SPIRE2: variants seen among roughly 807,000 people sequenced by gnomAD.
SPIRE2 encodes the protein protein spire homolog 2.
Under a neutral mutation model 80.7 loss-of-function variants are expected in SPIRE2, and 76 were observed. That is an observed-to-expected ratio of 0.94 (90% CI 0.78 to 1.14). SPIRE2 has a LOEUF of 1.14. SPIRE2 is among the 50% of genes most tolerant of loss of function. SPIRE2 has a pLI of 0.00. For missense variants in SPIRE2, 1,196 were observed against 1,015.3 expected (o/e 1.18, Z -2.42); for synonymous variants, 535 against 432.6 (o/e 1.24, Z -2.94).
intron 1 of SPIRE2, among the ~76,000 whole-genome samples, chr16:89,840,450 C>G (rs186671026): frequency 6.6e-6 from 1 of 150,456 alleles, no homozygotes; most frequent in Non-Finnish European, 1.5e-5. Flanking sequence ...GGGGTTTCAC[C>G]GTGTTAGCCA....
At chr16:89,862,349 A>C (rs2143824469) in intron 10 of SPIRE2, 1 of 151,712 alleles carries the variant, frequency 6.6e-6, no homozygotes, top group Non-Finnish European at 1.5e-5. Flanking sequence ...CACCCGGCCA[A>C]GGCCCACTTC....
chr16:89,845,644 C>CA, intron 2 of SPIRE2: 1 of 700,066 alleles, frequency 1.4e-6, no homozygotes, highest in South Asian at 1.5e-5. Flanking sequence ...ATGAGGGGCA[C>CA]AGCTGACGTC....
intron 10 of SPIRE2, 24 bp downstream of exon 10, chr16:89,860,819 C>A (rs1446373581): frequency 5.0e-6 from 7 of 1,395,618 alleles, no homozygotes; most frequent in Middle Eastern, 1.9e-4. Flanking sequence ...CGATTGTCGT[C>A]CAGGGCGGCC....
chr16:89,861,012 C>T (rs928267502), intron 10 of SPIRE2, among the ~76,000 whole-genome samples: 2 of 152,116 alleles, frequency 1.3e-5, no homozygotes, highest in African/African-American at 4.8e-5. Flanking sequence ...GGGGCCGAAC[C>T]GCACTGCACT....
At chr16:89,848,472 G>C (rs967895899) in intron 2 of SPIRE2, among the ~76,000 whole-genome samples, 1 of 152,022 alleles carries the variant, frequency 6.6e-6, no homozygotes, top group Non-Finnish European at 1.5e-5. Flanking sequence ...GCAGGTTCCA[G>C]GGCCTTCTGC....
intron 1 of SPIRE2, among the ~76,000 whole-genome samples, chr16:89,836,861 G>A (rs1390400185): frequency 6.6e-6 from 1 of 151,932 alleles, no homozygotes; most frequent in African/African-American, 2.4e-5. Flanking sequence ...TGGGCGTCGT[G>A]GTACATGCCT....
chr16:89,859,263 G>T lies in SPIRE2; in HGVS notation c.1371G>T (p.Leu457=). 1 of 1,607,734 alleles carries T rather than the reference G, an allele frequency of 6.2e-7. No individual in the cohort carries two copies. The highest frequency in any genetic ancestry group is 8.5e-7 in the Non-Finnish European group (1 of 1,178,750). Residue 457 remains leucine (L), a synonymous_variant, in exon 9 of 15, where the codon CTG becomes CTT. Transcript: ENST00000378247. Reference sequence around the variant, plus strand: ...TCCGAAGTGAGGTGGCCTCTGGCCTGCAGTCGGCCACCCACCCCCCAGGAG... The same window carrying T: ...TCCGAAGTGAGGTGGCCTCTGGCCTTCAGTCGGCCACCCACCCCCCAGGAG... The part of the protein sequence containing the change: ...AQLRSEVASG[L]QSATHPPGGT...
In SPIRE2 at chr16:89,847,023, C is replaced by T. The variant is rs145696518; in HGVS notation, c.288+1658C>T. 6 of 151,090 alleles carry T rather than the reference C, an allele frequency of 4.0e-5. No individual in the cohort carries two copies. The East Asian group carries it at 5.8e-4, about 15-fold the overall frequency. 9.4% of individuals were successfully genotyped at this position (151,090 alleles called of 1,614,324 possible). ...CAAGAAGAAAACAACATAGATTTAC[C>T]GCAAGACCTATTGATATATTATTAA... On this transcript the variant is annotated intron_variant, in intron 2 of 14. Coordinates refer to ENST00000378247, the MANE Select transcript of SPIRE2 (RefSeq NM_032451.2).
intron 2 of SPIRE2, among the ~76,000 whole-genome samples, chr16:89,849,568 C>T (rs921196928): frequency 6.6e-5 from 10 of 152,200 alleles, no homozygotes; most frequent in South Asian, 4.1e-4. Context: ...AATTGTCCAT[C>T]GACCTCCTGT....
At chr16:89,836,639 G>A (rs1449979060) in intron 1 of SPIRE2, among the ~76,000 whole-genome samples, 3 of 152,138 alleles carry the variant, frequency 2.0e-5, no homozygotes, top group East Asian at 1.9e-4. Context: ...CACCCAGAAC[G>A]ACCTTGACCT....
At chr16:89,848,037 C>T (rs962572273) in intron 2 of SPIRE2, among the ~76,000 whole-genome samples, 1 of 152,206 alleles carries the variant, frequency 6.6e-6, no homozygotes, top group Admixed American at 6.5e-5. Context: ...AGGGACAGCA[C>T]GAGCTGAGGC....
At chr16:89,831,357 T>G (rs1285951078) in intron 1 of SPIRE2, among the ~76,000 whole-genome samples, 1 of 150,610 alleles carries the variant, frequency 6.6e-6, no homozygotes, top group East Asian at 1.9e-4. Context: ...TTTGAATGTT[T>G]TTTCTTGTCA....
At position 89,856,943 on chromosome 16, in the gene SPIRE2, G is replaced by A. The variant is rs529512477; in HGVS notation, c.1102+707G>A. The stretch of plus-strand genomic sequence containing the variant: ...TAGCCAGGTGTGGTGGCACATGGCT[G>A]TAATCCCAGGTGCTCCAGGGGCTGA... On this transcript the variant is annotated intron_variant, in intron 7 of 14. Coordinates refer to ENST00000378247, the MANE Select transcript of SPIRE2 (RefSeq NM_032451.2). Among the ~76,000 whole-genome samples, 527 of 151,710 alleles carry A rather than the reference G, an allele frequency of 3.5e-3. 2 individuals carry two copies. Among genetic ancestry groups the A allele is most frequent in the Non-Finnish European group, 5.1e-3 (349 of 67,940 alleles).
chr16:89,856,250 T>A lies in SPIRE2; in HGVS notation c.1102+14T>A. 1 of 1,559,294 alleles carries A rather than the reference T, an allele frequency of 6.4e-7. No homozygotes were observed. The highest frequency in any genetic ancestry group is 8.7e-7 in the Non-Finnish European group (1 of 1,152,336). On this transcript the variant is annotated intron_variant, in intron 7 of 14. Coordinates refer to ENST00000378247, the MANE Select transcript of SPIRE2 (RefSeq NM_032451.2). ...GGGCTGCCCGCGGTGAGTGAGGGGA[T>A]GGCAGGAGAAGAGAGCCCTGAGCCC...
At chr16:89,837,774 C>CG (rs997212998) in intron 1 of SPIRE2, among the ~76,000 whole-genome samples, 6 of 152,130 alleles carry the variant, frequency 3.9e-5, no homozygotes, top group Non-Finnish European at 5.9e-5. Flanking sequence ...ACGCCCCGTG[C>CG]GGGGGGCGTG....
In SPIRE2 at chr16:89,855,810, C is replaced by T. The variant is rs182223255; in HGVS notation, c.978+124C>T. 951 of 1,024,542 alleles carry T rather than the reference C, an allele frequency of 9.3e-4. 14 individuals are homozygous for T. The Admixed American group carries it at 0.019, about 21-fold the overall frequency. 63.5% of individuals were successfully genotyped at this position (1,024,542 alleles called of 1,614,324 possible). On this transcript the variant is annotated intron_variant, in intron 6 of 14. Transcript: ENST00000378247. ...CCTGGGAGGTGTCCCAGTGCGTCTG[C>T]GTCACGGGTGAGGCGGGCTGGCTTC... is the stretch of plus-strand genomic sequence containing the variant.
At position 89,850,419 on chromosome 16, in the gene SPIRE2, A is replaced by G; in HGVS notation, c.404A>G (p.Asn135Ser). The G allele has an allele frequency of 6.3e-7, 1 of 1,591,418 alleles. No homozygotes were observed. Among genetic ancestry groups the G allele is most frequent in the South Asian group, 1.1e-5 (1 of 88,062 alleles). The change falls in exon 3 of 15, where the codon AAC becomes AGC. Residue 135 changes from asparagine (N) to serine (S), a missense_variant. Asn to Ser is a conservative substitution (Grantham distance 46). Transcript: ENST00000378247. ...CGGCTCATCGACCTCATGGCCAACA[A>G]CGACAGCGAGGACAGCGGCTGCGGT... is the stretch of plus-strand genomic sequence containing the variant. ...LERLIDLMAN[N>S]DSEDSGCGAA...
rs768508839 is a variant in SPIRE2 at position 89,828,737 on chromosome 16, G to A, written c.187G>A (p.Gly63Arg). The A allele has an allele frequency of 1.6e-6, 2 of 1,233,634 alleles. No individual in the cohort carries two copies. The highest frequency in any genetic ancestry group is 7.8e-5 in the Admixed American group (2 of 25,646). 76.4% of individuals were successfully genotyped at this position (1,233,634 alleles called of 1,614,324 possible). A position where few individuals can be genotyped will look rare whatever the true frequency, so the allele number is the denominator to read the frequency against. ...GCCGGGCCGGCGCCTGCGGGATACCGGGGACCTCCTGCTGCGCGGGGACGG... is the reference window on the plus strand; with the variant it reads ...GCCGGGCCGGCGCCTGCGGGATACCAGGGACCTCCTGCTGCGCGGGGACGG... The part of the protein sequence containing the change: ...GSPGRRLRDT[G>R]DLLLRGDGSV... The change falls in exon 1 of 15, where the codon GGG (glycine) becomes AGG (arginine). Residue 63 changes from glycine to arginine, a missense_variant. Physicochemically the swap from Gly to Arg is moderately radical, Grantham distance 125 (BLOSUM62 -2). Coordinates refer to ENST00000378247, the MANE Select transcript of SPIRE2 (RefSeq NM_032451.2). The surrounding 1 kb of genome is among the most constrained non-coding windows in gnomAD (Gnocchi z 5.9).
intron 10 of SPIRE2, chr16:89,862,469 C>T (rs2041753483): frequency 6.6e-6 from 1 of 152,342 alleles, no homozygotes; most frequent in African/African-American, 2.4e-5. Flanking sequence ...CACCACAGAA[C>T]CTGGCCTTCC....
Sources: allele counts gnomAD v4.1 joint callset (sites outside exome capture counted in the v4.1 genomes callset), GRCh38; gene constraint gnomAD v4.1.1; non-coding constraint Gnocchi (gnomAD v3.1); transcripts MANE v1.5; gene names NCBI Gene and HGNC (gene_info 2026-07-23, HGNC 2026-07-21).